MIA2: variants seen among roughly 807,000 people sequenced by gnomAD.
The protein encoded by MIA2 is MIA SH3 domain ER export factor 2.
In MIA2, 127 loss-of-function variants were observed where a neutral mutation model predicts 167.8. The observed-to-expected ratio is 0.76, with a 90% CI of 0.66 to 0.88. MIA2 has a LOEUF of 0.88. Ranked by LOEUF, MIA2 falls within the 40% of genes least tolerant of loss-of-function variation. The pLI, the probability that MIA2 is intolerant of heterozygous loss-of-function variation, is 0.00. For missense variants in MIA2, 1,690 were observed against 1,624.7 expected (o/e 1.04, Z -0.69); for synonymous variants, 552 against 541.9 (o/e 1.02, Z -0.26).
intron 25 of MIA2, among the ~76,000 whole-genome samples, chr14:39,343,308 C>A (rs1390901875): frequency 6.6e-6 from 1 of 152,094 alleles, no homozygotes; most frequent in Non-Finnish European, 1.5e-5. Context: ...CCACACCTGG[C>A]TAATTTTTTT....
At chr14:39,284,741 T>C (rs1338804601) in intron 9 of MIA2, among the ~76,000 whole-genome samples, 1 of 151,116 alleles carries the variant, frequency 6.6e-6, no homozygotes, top group Admixed American at 6.6e-5. Context: ...GATTGTTTTC[T>C]TTTTTTTTCT....
rs772380031 is a variant in MIA2, at chr14:39,247,176, T to C, written c.602T>C (p.Val201Ala). The change falls in exon 4 of 29, where the codon GTT (valine) becomes GCT (alanine). Residue 201 changes from valine (V) to alanine (A), a missense_variant. Transcript: ENST00000640607. ...TCAAAAGACTGGGAAGAAGTAGTTG[T>C]TGAAAGTATGGAACAGGATCGTATT... Reference protein sequence around the residue: ...SESKDWEEVVVESMEQDRIPE... With the variant: ...SESKDWEEVVAESMEQDRIPE... 7.4e-6 allele frequency: 12 copies of C among 1,614,064 alleles called. No homozygotes were observed. The South Asian group carries it at 7.7e-5, about 10-fold the overall frequency.
chr14:39,311,834 G>GT (rs1208988140), intron 18 of MIA2, among the ~76,000 whole-genome samples: 855 of 77,552 alleles, frequency 0.011, 9 homozygotes, highest in Non-Finnish European at 0.017. Context: ...TTGTGTGTGT[G>GT]TGTTTTTTTT....
chr14:39,340,113 G>T (rs2071456761), intron 25 of MIA2, among the ~76,000 whole-genome samples: 1 of 152,142 alleles, frequency 6.6e-6, no homozygotes, highest in African/African-American at 2.4e-5. Flanking sequence ...AAAGTGCTGG[G>T]ATTACAGACG....
chr14:39,354,993 G>C (rs368955512), downstream of MIA2, among the ~76,000 whole-genome samples: 136 of 152,162 alleles, frequency 8.9e-4, 3 homozygotes, highest in South Asian at 0.01. Flanking sequence ...GTCAGGTAGC[G>C]TGATGCCTCC....
chr14:39,371,580 GAT>G (rs1475860404), intron 23 of MIA2, among the ~76,000 whole-genome samples: 1 of 152,194 alleles, frequency 6.6e-6, no homozygotes, highest in Non-Finnish European at 1.5e-5. Flanking sequence ...TACAGATTTT[GAT>G]ATGAGTGCTA....
intron 4 of MIA2, among the ~76,000 whole-genome samples, chr14:39,250,331 G>A (rs1263271176): frequency 1.3e-5 from 2 of 152,160 alleles, no homozygotes; most frequent in Non-Finnish European, 2.9e-5. Flanking sequence ...TACTTGGGAG[G>A]CTGAGGTGGG....
chr14:39,338,527 T>G lies in MIA2; in HGVS notation c.3656-7377T>G, dbSNP rs151207610. The stretch of plus-strand genomic sequence containing the variant: ...TCATAAGTTTAATTAGAAAACTTAT[T>G]TATAATTTTAGCAGAAAAAATGTTC... On this transcript the variant is annotated intron_variant, in intron 25 of 28. Transcript: ENST00000640607. Among the ~76,000 whole-genome samples, 115 of 152,310 alleles carry G rather than the reference T, an allele frequency of 7.6e-4. No individual in the cohort carries two copies. The East Asian group carries it at 0.019, about 25-fold the overall frequency.
downstream of MIA2, among the ~76,000 whole-genome samples, chr14:39,352,765 A>G (rs1431453123): frequency 6.6e-6 from 1 of 152,218 alleles, no homozygotes; most frequent in Non-Finnish European, 1.5e-5. Context: ...ATAGACTAGA[A>G]GTGTATATGT....
At chr14:39,257,723 A>C (rs1356864537) in intron 6 of MIA2, among the ~76,000 whole-genome samples, 1 of 152,112 alleles carries the variant, frequency 6.6e-6, no homozygotes, top group Non-Finnish European at 1.5e-5. Context: ...GGCTGGTACC[A>C]GTTTTTCCTT....
chr14:39,276,804 C>G, intron 6 of MIA2, 130 bp from the exon 7 acceptor site: 1 of 909,754 alleles, frequency 1.1e-6, no homozygotes, highest in Non-Finnish European at 1.7e-6. Flanking sequence ...AAAATGTACT[C>G]TGATACTTTC....
intron 22 of MIA2, 29 bp from the exon 23 acceptor site, chr14:39,319,180 A>G: frequency 7.5e-7 from 1 of 1,326,806 alleles, no homozygotes; most frequent in Non-Finnish European, 1.0e-6. Context: ...TGGATGAGTA[A>G]CTTAGAGATG....
At chr14:39,304,520 G>C in intron 17 of MIA2, 139 bp downstream of exon 17, 1 of 470,882 alleles carries the variant, frequency 2.1e-6, no homozygotes, top group African/African-American at 2.1e-5. Flanking sequence ...TTGGGTATTT[G>C]TGAAACATTA....
At chr14:39,311,834 GTGTT>G (rs751192771) in intron 18 of MIA2, among the ~76,000 whole-genome samples, 2 of 77,500 alleles carry the variant, frequency 2.6e-5, no homozygotes, top group Non-Finnish European at 6.4e-5. Context: ...TTGTGTGTGT[GTGTT>G]TTTTTTTTTG....
In MIA2 at chr14:39,246,898, T is replaced by A. The variant is rs1394389819; in HGVS notation, c.337-13T>A. 5.7e-6 allele frequency: 8 copies of A among 1,405,858 alleles called. No individual in the cohort carries two copies. Among genetic ancestry groups the A allele is most frequent in the Admixed American group, 4.8e-5 (2 of 41,456 alleles). 87.1% of individuals were successfully genotyped at this position (1,405,858 alleles called of 1,614,324 possible). A position where few individuals can be genotyped will look rare whatever the true frequency, so the allele number is the denominator to read the frequency against. Reference sequence around the variant, plus strand: ...ACATTCATGTTAATCATATATATATTTTTTCCTTTTAGGAATCTGACTTTC... The same window carrying A: ...ACATTCATGTTAATCATATATATATATTTTCCTTTTAGGAATCTGACTTTC... On this transcript the variant is annotated splice_polypyrimidine_tract_variant and intron_variant, in intron 3 of 28. Coordinates refer to ENST00000640607, the MANE Select transcript of MIA2 (RefSeq NM_001329214.4).
At chr14:39,267,772 C>G (rs909538345) in intron 6 of MIA2, among the ~76,000 whole-genome samples, 4 of 152,220 alleles carry the variant, frequency 2.6e-5, no homozygotes, top group Non-Finnish European at 5.9e-5. Context: ...CTTAGCTGGA[C>G]TTTGCAAAGA....
chr14:39,247,226 T>G lies in MIA2; in HGVS notation c.652T>G (p.Ser218Ala). ...RIPEVHVPPS[S>A]AVSGVKEWFG... ...TCCAGAAGTGCATGTCCCACCATCTTCAGCTGTGTCTGGAGTCAAAGAATG... is the reference window on the plus strand; with the variant it reads ...TCCAGAAGTGCATGTCCCACCATCTGCAGCTGTGTCTGGAGTCAAAGAATG... The change falls in exon 4 of 29, where the codon TCA becomes GCA. Residue 218 changes from serine (S) to alanine (A), a missense_variant. By Grantham distance (99) the Ser-to-Ala change is moderately conservative (BLOSUM62 1). Coordinates refer to ENST00000640607, the MANE Select transcript of MIA2 (RefSeq NM_001329214.4). 5 of 1,614,152 alleles carry G rather than the reference T, an allele frequency of 3.1e-6. No homozygotes were observed. The highest frequency in any genetic ancestry group is 3.4e-6 in the Non-Finnish European group (4 of 1,180,026).
intron 23 of MIA2, among the ~76,000 whole-genome samples, chr14:39,365,421 A>G (rs1189999555): frequency 6.6e-6 from 1 of 152,102 alleles, no homozygotes; most frequent in African/African-American, 2.4e-5. Context: ...CCAGAATTCA[A>G]ATATTTGGTT....
chr14:39,353,173 T>C (rs1338085952), downstream of MIA2, among the ~76,000 whole-genome samples: 1 of 152,220 alleles, frequency 6.6e-6, no homozygotes, highest in African/African-American at 2.4e-5. Flanking sequence ...CTTGAGTATT[T>C]ATCATTTCTG....
Sources: gnomAD v4.1 joint callset for allele counts (sites outside exome capture counted in the v4.1 genomes callset) on GRCh38, gnomAD v4.1.1 for gene constraint, MANE v1.5 for transcripts, NCBI Gene and HGNC (gene_info 2026-07-23, HGNC 2026-07-21) for gene names.